CACHD1: variants seen among roughly 807,000 people sequenced by gnomAD.
The protein encoded by CACHD1 is VWFA and cache domain-containing protein 1.
In CACHD1, 71 loss-of-function variants were observed where a neutral mutation model predicts 138.7. The ratio of observed to expected loss-of-function variants is 0.51; its 90% CI spans 0.42 to 0.62. CACHD1 has a LOEUF of 0.62. CACHD1 is among the 20% of genes least tolerant of loss of function. The pLI is 0.00. For missense variants in CACHD1, 1,389 were observed against 1,625.3 expected, an observed-to-expected ratio of 0.85 and a Z score of 2.50; for synonymous variants, 578 against 591.5, an observed-to-expected ratio of 0.98 and a Z score of 0.33.
At chr1:64,479,527 G>T (rs1349975759) in intron 1 of CACHD1, among the ~76,000 whole-genome samples, 2 of 152,184 alleles carry the variant, frequency 1.3e-5, no homozygotes, top group African/African-American at 4.8e-5. Context: ...TAGAGAACTA[G>T]TGGGAAGAAA....
In CACHD1 at chr1:64,590,496, C is replaced by T. The variant is rs772623655; in HGVS notation, c.410+8192C>T. 8.6e-5 allele frequency among the ~76,000 whole-genome samples: 13 copies of T among 151,948 alleles called. No individual in the cohort carries two copies. In the East Asian group the frequency reaches 1.2e-3, roughly 14 times the overall value. ...TTTCAAGTTCTTTAAGTATTATTGA[C>T]GTCATATGAGCCAGAGGTAACTTAC... On this transcript the variant is annotated intron_variant, in intron 3 of 26. Coordinates refer to ENST00000651257, the MANE Select transcript of CACHD1 (RefSeq NM_020925.4).
Position 64,586,305 on chromosome 1 carries a change from C to G in CACHD1, c.410+4001C>G, listed in dbSNP as rs12081746. Among the ~76,000 whole-genome samples the G allele has an allele frequency of 2.0e-4, 31 of 152,306 alleles. No individual in the cohort carries two copies. In the East Asian group the frequency reaches 2.3e-3, roughly 11 times the overall value. ...TCTCAAGCTTCTGACCTCAGGTGAT[C>G]CACCCACCTTGGCCTCCCAAAGTGC... On this transcript the variant is annotated intron_variant, in intron 3 of 26. Coordinates refer to ENST00000651257, the MANE Select transcript of CACHD1 (RefSeq NM_020925.4).
intron 7 of CACHD1, 114 bp from the exon 8 acceptor site, chr1:64,641,706 C>T (rs1200953642): frequency 1.9e-5 from 13 of 690,402 alleles, no homozygotes; most frequent in East Asian, 6.0e-5. Context: ...GACTAGGAAC[C>T]GTGGGCTAGG....
chr1:64,652,394 G>A (rs918426536), intron 10 of CACHD1, 84 bp downstream of exon 10: 3 of 1,230,222 alleles, frequency 2.4e-6, no homozygotes, highest in Non-Finnish European at 3.4e-6. Context: ...AACAAAATAG[G>A]AAAATGATAG....
intron 12 of CACHD1, among the ~76,000 whole-genome samples, chr1:64,655,555 A>G (rs963132967): frequency 6.6e-6 from 1 of 152,180 alleles, no homozygotes; most frequent in African/African-American, 2.4e-5. Context: ...TTTAGATTAG[A>G]AATTGGATTA....
intron 4 of CACHD1, among the ~76,000 whole-genome samples, chr1:64,611,094 G>A (rs1439648429): frequency 6.6e-6 from 1 of 152,192 alleles, no homozygotes; most frequent in Non-Finnish European, 1.5e-5. Context: ...GAGCTGGAGT[G>A]GCTGGGACAC....
At chr1:64,574,852 T>G (rs1187405157) in intron 2 of CACHD1, among the ~76,000 whole-genome samples, 1 of 152,314 alleles carries the variant, frequency 6.6e-6, no homozygotes, top group Non-Finnish European at 1.5e-5. Context: ...TAACTGAAAC[T>G]TCTTTGACTA....
chr1:64,566,766 C>G (rs17126690), intron 2 of CACHD1, among the ~76,000 whole-genome samples: 1 of 151,262 alleles, frequency 6.6e-6, no homozygotes, highest in South Asian at 2.1e-4. Context: ...AAAGCTGAAT[C>G]TGAATTTCTT....
At chr1:64,533,751 T>C (rs111875557) in intron 1 of CACHD1, among the ~76,000 whole-genome samples, 26 of 148,778 alleles carry the variant, frequency 1.7e-4, no homozygotes, top group African/African-American at 4.5e-4. Flanking sequence ...TCTCTCTCTT[T>C]TTTTTTTTTT....
chr1:64,581,387 A>G (rs528995294), intron 2 of CACHD1, among the ~76,000 whole-genome samples: 4 of 152,298 alleles, frequency 2.6e-5, no homozygotes, highest in Admixed American at 6.5e-5. Flanking sequence ...GTTTAAAGGG[A>G]AGAAAAAACA....
chr1:64,568,717 A>G (rs983417169), intron 2 of CACHD1, among the ~76,000 whole-genome samples: 12 of 152,188 alleles, frequency 7.9e-5, no homozygotes, highest in African/African-American at 2.9e-4. Flanking sequence ...TGTATAGTAC[A>G]TTAGTCAATG....
chr1:64,665,970 A>C, intron 15 of CACHD1, 87 bp from the exon 16 acceptor site: 1 of 684,062 alleles, frequency 1.5e-6, no homozygotes, highest in Non-Finnish European at 2.4e-6. Context: ...GCACCACTGC[A>C]CTCCAGCCTG....
chr1:64,484,483 G>T (rs911702844), intron 1 of CACHD1, among the ~76,000 whole-genome samples: 21 of 152,152 alleles, frequency 1.4e-4, no homozygotes, highest in Admixed American at 3.9e-4. Context: ...TTCAATTCAG[G>T]TATATTTCCC....
Position 64,652,301 on chromosome 1 carries a change from G to A in CACHD1, c.1531G>A (p.Asp511Asn), listed in dbSNP as rs1434668349. 1.9e-6 allele frequency: 3 copies of A among 1,605,668 alleles called. No homozygotes were observed. The highest frequency in any genetic ancestry group is 2.7e-5 in the African/African-American group (2 of 74,292). ...TTTGGCTTCCTATACTTTTCTCATA[G>A]ACGACAAAGGTAATCTGCTAAATGT... ...DSLASYTFLI[D>N]DKGYTLMHPS... Residue 511 changes from aspartate (D) to asparagine (N), a missense_variant, in exon 10 of 27, where the codon GAC (aspartate) becomes AAC (asparagine). By Grantham distance (23) the Asp-to-Asn change is conservative. This residue lies in a region of CACHD1 where 1,000 missense variants were observed against 1,114.7 expected (regional missense o/e 0.90). Transcript: ENST00000651257.
intron 1 of CACHD1, among the ~76,000 whole-genome samples, chr1:64,507,012 C>T (rs1159954590): frequency 6.6e-6 from 1 of 152,134 alleles, no homozygotes; most frequent in Non-Finnish European, 1.5e-5. Flanking sequence ...ATCTGTAAAA[C>T]GAGATTAATG....
chr1:64,673,374 C>T lies in CACHD1; in HGVS notation c.2637C>T (p.Leu879=). 3 of 1,614,150 alleles carry T rather than the reference C, an allele frequency of 1.9e-6. No individual in the cohort carries two copies. Among genetic ancestry groups the T allele is most frequent in the Non-Finnish European group, 2.5e-6 (3 of 1,180,010 alleles). ...AGCCCCTGGTAGCAAATGATATCCT[C>T]AACCACCCCAACTTTGTAAAGAAAA... ...HKEPLVANDI[L]NHPNFVKKNL... is the part of the protein sequence containing the mutation. Residue 879 remains leucine (L), a synonymous_variant, in exon 19 of 27, where the codon CTC becomes CTT. Transcript: ENST00000651257.
At chr1:64,494,137 G>A (rs1369336462) in intron 1 of CACHD1, among the ~76,000 whole-genome samples, 1 of 152,116 alleles carries the variant, frequency 6.6e-6, no homozygotes, top group Non-Finnish European at 1.5e-5. Flanking sequence ...CCCCAGCTGG[G>A]GACTTTGCAT....
At position 64,681,278 on chromosome 1, in the gene CACHD1, A is replaced by C. The variant is rs1238911757; in HGVS notation, c.3427A>C (p.Asn1143His). The part of the protein sequence containing the change: ...AAQEMSVRMS[N>H]LENDRDERDD... Reference sequence around the variant, plus strand: ...GGTAGAAATGTCAGTGCGTATGTCCAACCTGGAGAATGACAGAGATGAAAG... The same window carrying C: ...GGTAGAAATGTCAGTGCGTATGTCCCACCTGGAGAATGACAGAGATGAAAG... Residue 1143 changes from asparagine (N) to histidine (H), a missense_variant, in exon 25 of 27, where the codon AAC becomes CAC. Transcript: ENST00000651257. 2 of 1,613,958 alleles carry C rather than the reference A, an allele frequency of 1.2e-6. No homozygotes were observed. The highest frequency in any genetic ancestry group is 2.7e-5 in the African/African-American group (2 of 75,038).
chr1:64,624,438 T>C (rs1047030849), intron 4 of CACHD1, among the ~76,000 whole-genome samples: 10 of 152,164 alleles, frequency 6.6e-5, no homozygotes, highest in African/African-American at 2.4e-4. Flanking sequence ...TTCCTTTACT[T>C]CCAAAGGCAA....
Sources: gnomAD v4.1 joint callset for allele counts (sites outside exome capture counted in the v4.1 genomes callset) on GRCh38, gnomAD v4.1.1 for gene constraint, gnomAD v4.1.1 regional missense constraint, MANE v1.5 for transcripts, NCBI Gene and HGNC (gene_info 2026-07-23, HGNC 2026-07-21) for gene names.